GPC1: variants seen among roughly 807,000 people sequenced by gnomAD.
GPC1 encodes glypican 1, also known as glypican-1.
A neutral mutation model predicts 51.5 loss-of-function variants in GPC1; 26 were observed. The observed-to-expected ratio is 0.50, with a 90% CI of 0.37 to 0.70. The LOEUF (loss-of-function observed/expected upper bound fraction) is 0.70, where lower values mean the gene tolerates loss of function less well. Ranked by LOEUF, GPC1 falls within the 30% of genes least tolerant of loss-of-function variation. GPC1 has a pLI of 0.00. For missense variants in GPC1, 775 were observed against 800.5 expected (o/e 0.97, Z 0.38); for synonymous variants, 380 against 348.3 (o/e 1.09, Z -1.01).
intron 1 of GPC1, among the ~76,000 whole-genome samples, chr2:240,437,245 C>T (rs2073989946): frequency 6.6e-6 from 1 of 152,110 alleles, no homozygotes; most frequent in Admixed American, 6.5e-5. Context: ...GTGGCCATGC[C>T]TTGCCGCGGG....
intron 1 of GPC1, chr2:240,442,580 A>G (rs1300530818): frequency 1.3e-5 from 2 of 152,246 alleles, no homozygotes; most frequent in African/African-American, 2.4e-5. Flanking sequence ...CCTCTTCACA[A>G]GGACACAACT....
Position 240,459,101 on chromosome 2 carries a change from CG to C in GPC1, c.239del (p.Arg80ProfsTer36). The C allele has an allele frequency of 6.2e-7, 1 of 1,612,792 alleles. No individual in the cohort carries two copies. The highest frequency in any genetic ancestry group is 8.5e-7 in the Non-Finnish European group (1 of 1,179,866). ...TSEMEENLAN[R>X]SHAELETALR... ...CGAGATGGAGGAGAACCTGGCCAACCGCAGCCATGCCGAGCTGGAGACCGCG... is the reference window on the plus strand; with the variant it reads ...CGAGATGGAGGAGAACCTGGCCAACCCAGCCATGCCGAGCTGGAGACCGCG... On this transcript the variant is annotated frameshift_variant, in exon 2 of 9. Transcript: ENST00000264039. LOFTEE classifies it high-confidence loss of function.
chr2:240,449,759 G>C, intron 1 of GPC1: 2 of 453,770 alleles, frequency 4.4e-6, no homozygotes, highest in Non-Finnish European at 9.0e-6. Flanking sequence ...CAGTCTCTAT[G>C]AATCCGACTC....
rs4676357 is a variant in GPC1, at chr2:240,448,750, T to G, written c.167-10280T>G. On this transcript the variant is annotated intron_variant, in intron 1 of 8. Transcript: ENST00000264039. The surrounding 1 kb of genome is among the most constrained non-coding windows in gnomAD (Gnocchi z 4.5). ...GTGTGACCAGCAGCGTGACCGGCAG[T>G]TATCCCTCCCCGGACGTGGCCTTGC... is the stretch of plus-strand genomic sequence containing the variant. Among the ~76,000 whole-genome samples the G allele has an allele frequency of 0.95, 143,146 of 151,306 alleles. 67,799 individuals are homozygous for G. The highest frequency in any genetic ancestry group is 1 in the East Asian group (5,032 of 5,036).
intron 1 of GPC1, chr2:240,455,886 CTT>C: frequency 3.3e-6 from 1 of 300,144 alleles, no homozygotes; most frequent in East Asian, 1.6e-4. Flanking sequence ...GGCCTCCTGC[CTT>C]TGACTGCCGT....
At chr2:240,454,482 C>T (rs2074137291) in intron 1 of GPC1, among the ~76,000 whole-genome samples, 1 of 152,192 alleles carries the variant, frequency 6.6e-6, no homozygotes, top group Non-Finnish European at 1.5e-5. Context: ...GGAAAGCCTT[C>T]GCAGCCATCG....
At chr2:240,445,914 C>T (rs1343707263) in intron 1 of GPC1, among the ~76,000 whole-genome samples, 5 of 152,314 alleles carry the variant, frequency 3.3e-5, no homozygotes, top group East Asian at 3.9e-4. Flanking sequence ...CGGGGAAGCA[C>T]GTGCGTTGCC....
intron 1 of GPC1, among the ~76,000 whole-genome samples, chr2:240,440,592 CGG>C (rs2074011538): frequency 7.5e-6 from 1 of 133,672 alleles, no homozygotes; most frequent in African/African-American, 2.8e-5. Flanking sequence ...TCCCTGCCTC[CGG>C]TCCTGCCCAG....
chr2:240,455,253 A>C (rs1216683377), intron 1 of GPC1, among the ~76,000 whole-genome samples: 1 of 152,190 alleles, frequency 6.6e-6, no homozygotes, highest in East Asian at 1.9e-4. Context: ...CCCCCAAAAA[A>C]ATCCTCAGAG....
At chr2:240,451,350 G>C (rs886664471) in intron 1 of GPC1, 3 of 434,528 alleles carry the variant, frequency 6.9e-6, no homozygotes, top group Non-Finnish European at 1.5e-5. Context: ...GTAGCAGACA[G>C]GGAGGGCCAG....
At chr2:240,451,325 G>T (rs575458315) in intron 1 of GPC1, 1 of 460,790 alleles carries the variant, frequency 2.2e-6, no homozygotes, top group African/African-American at 2.0e-5. Flanking sequence ...CGTTTCTAGC[G>T]TGCCCCCTGT....
chr2:240,465,802 A>G (rs961058372), intron 8 of GPC1, among the ~76,000 whole-genome samples, 154 bp downstream of exon 8: 2 of 152,202 alleles, frequency 1.3e-5, no homozygotes, highest in Non-Finnish European at 2.9e-5. Flanking sequence ...AGGCACGATC[A>G]CCGAGCCCTG....
At position 240,465,194 on chromosome 2, in the gene GPC1, G is replaced by A; in HGVS notation, c.1252G>A (p.Gly418Arg). The change falls in exon 7 of 9, where the codon GGG becomes AGG. Residue 418 changes from glycine to arginine, a missense_variant. Transcript: ENST00000264039. ...STASDDRCWNGMARGRYLPEV... is the reference protein window; with the variant it reads ...STASDDRCWNRMARGRYLPEV... ...TGCCAGTGATGACCGCTGCTGGAACGGGATGGCCAGAGGCCGGTAGGTGCC... is the reference window on the plus strand; with the variant it reads ...TGCCAGTGATGACCGCTGCTGGAACAGGATGGCCAGAGGCCGGTAGGTGCC... 8.1e-6 allele frequency: 13 copies of A among 1,609,872 alleles called. No homozygotes were observed. The highest frequency in any genetic ancestry group is 1.0e-5 in the Non-Finnish European group (12 of 1,178,200).
rs368952537 is a variant in GPC1, at chr2:240,463,375, C to T, written c.746C>T (p.Ala249Val). The change falls in exon 4 of 9, where the codon GCT becomes GTT. Residue 249 changes from alanine to valine, a missense_variant. Ala to Val is a moderately conservative substitution (Grantham distance 64). Transcript: ENST00000264039. ...QVPLGPECSRAVMKLVYCAHC... is the reference protein window; with the variant it reads ...QVPLGPECSRVVMKLVYCAHC... ...CCCCTGGGCCCGGAGTGCTCGAGAG[C>T]TGTCATGAAGCTGGTCTACTGTGCT... 1.6e-5 allele frequency: 25 copies of T among 1,612,838 alleles called. No homozygotes were observed. The highest frequency in any genetic ancestry group is 2.1e-5 in the Non-Finnish European group (25 of 1,179,880).
At chr2:240,456,049 A>AGGAG (rs762457734) in intron 1 of GPC1, 2 of 409,398 alleles carry the variant, frequency 4.9e-6, no homozygotes, top group Admixed American at 2.9e-5. Flanking sequence ...TGCTTGTCCG[A>AGGAG]GGAGGGAGGG....
Position 240,436,075 on chromosome 2 carries a change from G to A in GPC1, c.157G>A (p.Glu53Lys). 1.5e-6 allele frequency: 2 copies of A among 1,304,030 alleles called. No homozygotes were observed. Among genetic ancestry groups the A allele is most frequent in the South Asian group, 2.5e-5 (1 of 39,260 alleles). The allele number at this position is 1,304,030 out of a possible 1,614,324, so 80.8% of individuals were successfully genotyped here. ...GFSLSDVPQA[E>K]ISGEHLRICP... ...CAGCCTGAGCGACGTGCCCCAGGCG[G>A]AGATCTCGGGTGAGTGAGGGCGCGG... The change falls in exon 1 of 9, where the codon GAG becomes AAG. Residue 53 changes from glutamate (E) to lysine (K), a missense_variant. By Grantham distance (56) the Glu-to-Lys change is moderately conservative. Coordinates refer to ENST00000264039, the MANE Select transcript of GPC1 (RefSeq NM_002081.3).
chr2:240,438,742 A>G (rs1310214924), intron 1 of GPC1, among the ~76,000 whole-genome samples: 1 of 152,220 alleles, frequency 6.6e-6, no homozygotes, highest in East Asian at 1.9e-4. Flanking sequence ...GAAAGAGGGC[A>G]GTGTCGGGAC....
intron 1 of GPC1, chr2:240,450,122 C>T: frequency 2.9e-6 from 1 of 344,206 alleles, no homozygotes; most frequent in Admixed American, 3.9e-5. Context: ...GTAACTGGCC[C>T]CCGTGCTTTA....
intron 8 of GPC1, 123 bp downstream of exon 8, chr2:240,465,771 T>G (rs1268335581): frequency 1.2e-6 from 1 of 812,978 alleles, no homozygotes; most frequent in Non-Finnish European, 2.0e-6. Flanking sequence ...CCACAGTGAG[T>G]CTGAGGACGC....
Sources: gnomAD v4.1 joint callset for allele counts (sites outside exome capture counted in the v4.1 genomes callset) on GRCh38, gnomAD v4.1.1 for gene constraint, Gnocchi (gnomAD v3.1) non-coding constraint, MANE v1.5 for transcripts, NCBI Gene and HGNC (gene_info 2026-07-23, HGNC 2026-07-21) for gene names.